The following PIEZO2 variants were observed in gnomAD, a reference collection of about 807,000 sequenced individuals.
PIEZO2 encodes the protein piezo type mechanosensitive ion channel component 2.
In PIEZO2, 172 loss-of-function variants were observed where a neutral mutation model predicts 337.3. The observed-to-expected ratio is 0.51, with a 90% CI of 0.45 to 0.58. The LOEUF (loss-of-function observed/expected upper bound fraction) is 0.58, where lower values mean the gene tolerates loss of function less well. Among genes scored for constraint, PIEZO2 ranks in the 20% least tolerant of loss-of-function variants. The pLI, the probability that PIEZO2 is intolerant of heterozygous loss-of-function variation, is 0.00. For missense variants in PIEZO2, 3,028 were observed against 3,391.3 expected (o/e 0.89, Z 2.66); for synonymous variants, 1,251 against 1,228.5 (o/e 1.02, Z -0.38).
intron 1 of PIEZO2, among the ~76,000 whole-genome samples, chr18:11,076,659 T>C (rs1036206587): frequency 1.3e-5 from 2 of 152,174 alleles, no homozygotes; most frequent in Non-Finnish European, 2.9e-5. Context: ...GATCAAATAT[T>C]AGCAACAGTA....
Position 11,125,151 on chromosome 18 carries a change from AAC to A in PIEZO2, c.64+23372_64+23373del, listed in dbSNP as rs10576283. Among the ~76,000 whole-genome samples the A allele has an allele frequency of 0.28, 42,550 of 151,326 alleles. 9,464 individuals are homozygous for A. The highest frequency in any genetic ancestry group is 0.62 in the African/African-American group (25,456 of 41,304). On this transcript the variant is annotated intron_variant, in intron 1 of 55. Coordinates refer to ENST00000674853, the MANE Select transcript of PIEZO2 (RefSeq NM_001378183.1). This position sits in a 1 kb window ranked among gnomAD's most constrained non-coding sequence, Gnocchi z 4.4. ...TTTGCAAATATTAAATGGGAGAAAG[AAC>A]ACACACACACACACATGCACACATA...
chr18:10,784,715 C>A lies in PIEZO2; in HGVS notation c.2492+69G>T. 7.6e-7 allele frequency: 1 copy of A among 1,317,662 alleles called. No homozygotes were observed. The highest frequency in any genetic ancestry group is 9.7e-7 in the Non-Finnish European group (1 of 1,029,160). 81.6% of individuals were successfully genotyped at this position (1,317,662 alleles called of 1,614,324 possible). On this transcript the variant is annotated intron_variant, in intron 17 of 55. Coordinates refer to ENST00000674853, the MANE Select transcript of PIEZO2 (RefSeq NM_001378183.1). The surrounding 1 kb of genome is among the most constrained non-coding windows in gnomAD (Gnocchi z 4.5). ...GATTACTGGCTTCTCGCAAGGTGGC[C>A]AACCTAAGGTAGGGTTGAAGAGCTG...
intron 21 of PIEZO2, among the ~76,000 whole-genome samples, chr18:10,764,758 A>G (rs940792136): frequency 5.3e-5 from 8 of 152,238 alleles, no homozygotes; most frequent in African/African-American, 1.9e-4. Context: ...AAGTAGGAAG[A>G]GATGCCTTAT....
chr18:10,715,545 T>C (rs1014754529), intron 38 of PIEZO2, 105 bp downstream of exon 38: 12 of 1,092,468 alleles, frequency 1.1e-5, no homozygotes, highest in Middle Eastern at 2.2e-4. Context: ...CACAACTGCC[T>C]GGAAAGAAAG....
intron 2 of PIEZO2, among the ~76,000 whole-genome samples, chr18:11,051,234 C>G (rs7240828): frequency 6.6e-6 from 1 of 151,788 alleles, no homozygotes; most frequent in African/African-American, 2.4e-5. Flanking sequence ...TGTCCAATCT[C>G]AGACTGCATT....
At chr18:11,074,358 A>T (rs1406515175) in intron 1 of PIEZO2, among the ~76,000 whole-genome samples, 1 of 152,238 alleles carries the variant, frequency 6.6e-6, no homozygotes, top group African/African-American at 2.4e-5. Context: ...AATGCAGGTC[A>T]ATGTGTTTAA....
chr18:11,011,490 C>T (rs2035899132), intron 2 of PIEZO2, among the ~76,000 whole-genome samples: 1 of 152,120 alleles, frequency 6.6e-6, no homozygotes, highest in Admixed American at 6.6e-5. Context: ...CCTCCCATGG[C>T]TAACATAGCT....
chr18:11,139,911 G>A (rs1370031465), intron 1 of PIEZO2, among the ~76,000 whole-genome samples: 1 of 152,074 alleles, frequency 6.6e-6, no homozygotes, highest in Non-Finnish European at 1.5e-5. Flanking sequence ...TTCTCTTCTA[G>A]GGACACCATG....
At chr18:10,916,152 G>T (rs1224999511) in intron 3 of PIEZO2, among the ~76,000 whole-genome samples, 1 of 152,182 alleles carries the variant, frequency 6.6e-6, no homozygotes, top group African/African-American at 2.4e-5. Flanking sequence ...ACACTGTGCT[G>T]ATTGGTGCAT....
rs1473455209 is a variant in PIEZO2 at position 10,726,250 on chromosome 18, C to T, written c.5029+5157G>A. 3.9e-6 allele frequency: 3 copies of T among 760,238 alleles called. No individual in the cohort carries two copies. The highest frequency in any genetic ancestry group is 2.0e-5 in the Admixed American group (1 of 49,410). 47.1% of individuals were successfully genotyped at this position (760,238 alleles called of 1,614,324 possible). A position where few individuals can be genotyped will look rare whatever the true frequency, so the allele number is the denominator to read the frequency against. Reference sequence around the variant, plus strand: ...GCCTGGGGCTGGAAGAGCTTGTGTGCGAGCCTGTGTTCGGGAGCATGAGAA... The same window carrying T: ...GCCTGGGGCTGGAAGAGCTTGTGTGTGAGCCTGTGTTCGGGAGCATGAGAA... On this transcript the variant is annotated intron_variant, in intron 36 of 55. Transcript: ENST00000674853. The surrounding 1 kb of genome is among the most constrained non-coding windows in gnomAD (Gnocchi z 5.9).
rs1406442738 is a variant in PIEZO2 at position 11,047,514 on chromosome 18, G to C, written c.160+18613C>G. 6.6e-6 allele frequency among the ~76,000 whole-genome samples: 1 copy of C among 152,184 alleles called. No homozygotes were observed. The highest frequency in any genetic ancestry group is 1.5e-5 in the Non-Finnish European group (1 of 68,030). ...CCAAATTCCACTCTTGGAAATGAGA[G>C]CCACATCCACAACAAAGAGGAGGCA... On this transcript the variant is annotated intron_variant, in intron 2 of 55. Transcript: ENST00000674853. The surrounding 1 kb of genome is among the most constrained non-coding windows in gnomAD (Gnocchi z 7.2).
chr18:11,144,441 TA>T (rs1187584020), intron 1 of PIEZO2, among the ~76,000 whole-genome samples: 1 of 152,058 alleles, frequency 6.6e-6, no homozygotes, highest in Non-Finnish European at 1.5e-5. Flanking sequence ...GCCACCGCAA[TA>T]GGGGAGGCCA....
intron 7 of PIEZO2, among the ~76,000 whole-genome samples, chr18:10,808,429 A>G (rs996930474): frequency 6.6e-6 from 1 of 152,136 alleles, no homozygotes; most frequent in African/African-American, 2.4e-5. Flanking sequence ...TTTCATTTTT[A>G]TCTTACATTC....
In PIEZO2 at chr18:10,855,343, T is replaced by C; in HGVS notation, c.917+10A>G. The stretch of plus-strand genomic sequence containing the variant: ...ACCTCTCCTGGAAATGCCATAAGGA[T>C]TTCTCTTACCTTGCATAGTAGTCAT... On this transcript the variant is annotated intron_variant, in intron 7 of 55. Coordinates refer to ENST00000674853, the MANE Select transcript of PIEZO2 (RefSeq NM_001378183.1). The surrounding 1 kb of genome is among the most constrained non-coding windows in gnomAD (Gnocchi z 4.9). 6.6e-7 allele frequency: 1 copy of C among 1,525,624 alleles called. No individual in the cohort carries two copies. Among genetic ancestry groups the C allele is most frequent in the Non-Finnish European group, 8.8e-7 (1 of 1,136,466 alleles). 94.5% of individuals were successfully genotyped at this position (1,525,624 alleles called of 1,614,324 possible). A position where few individuals can be genotyped will look rare whatever the true frequency, so the allele number is the denominator to read the frequency against.
chr18:10,957,944 A>G (rs912628176), intron 3 of PIEZO2, among the ~76,000 whole-genome samples: 1 of 152,194 alleles, frequency 6.6e-6, no homozygotes, highest in Non-Finnish European at 1.5e-5. Context: ...GGGAAATGCA[A>G]ATTAAAACCA....
chr18:10,729,623 C>CAAAAA (rs374976832), intron 36 of PIEZO2, among the ~76,000 whole-genome samples: 6 of 124,752 alleles, frequency 4.8e-5, no homozygotes, highest in East Asian at 4.4e-4. Flanking sequence ...GACTCTGTCT[C>CAAAAA]AAAAAAAAAA....
intron 4 of PIEZO2, among the ~76,000 whole-genome samples, chr18:10,898,323 A>AG (rs1277401311): frequency 1.3e-5 from 2 of 152,080 alleles, no homozygotes; most frequent in Non-Finnish European, 2.9e-5. Flanking sequence ...CGGGAGGCTG[A>AG]GGGGGGAGAA....
rs1303145337 is a variant in PIEZO2 at position 11,069,509 on chromosome 18, T to C, written c.65-3287A>G. Among the ~76,000 whole-genome samples the C allele has an allele frequency of 6.6e-6, 1 of 152,118 alleles. No individual in the cohort carries two copies. The highest frequency in any genetic ancestry group is 1.5e-5 in the Non-Finnish European group (1 of 68,022). ...TGGTAAAAATTCTCAACAAATTACA[T>C]ATAGAAGAAATGGACTTCAACACAA... On this transcript the variant is annotated intron_variant, in intron 1 of 55. Coordinates refer to ENST00000674853, the MANE Select transcript of PIEZO2 (RefSeq NM_001378183.1). This position sits in a 1 kb window ranked among gnomAD's most constrained non-coding sequence, Gnocchi z 4.9.
At position 11,075,769 on chromosome 18, in the gene PIEZO2, C is replaced by T. The variant is rs1243537996; in HGVS notation, c.65-9547G>A. Among the ~76,000 whole-genome samples, 3 of 150,154 alleles carry T rather than the reference C, an allele frequency of 2.0e-5. No homozygotes were observed. In the East Asian group the frequency reaches 5.9e-4, roughly 30 times the overall value. On this transcript the variant is annotated intron_variant, in intron 1 of 55. Coordinates refer to ENST00000674853, the MANE Select transcript of PIEZO2 (RefSeq NM_001378183.1). ...GCTCACATATGTGTGACAGGAAAGG[C>T]GAATAGAGATATATTTCTTTTTTTT... is the stretch of plus-strand genomic sequence containing the variant.
Sources: allele counts gnomAD v4.1 joint callset (sites outside exome capture counted in the v4.1 genomes callset), GRCh38; gene constraint gnomAD v4.1.1; non-coding constraint Gnocchi (gnomAD v3.1); transcripts MANE v1.5; gene names NCBI Gene and HGNC (gene_info 2026-07-23, HGNC 2026-07-21).